C1orf21: variants seen among roughly 807,000 people sequenced by gnomAD.
C1orf21 encodes the protein chromosome 1 open reading frame 21.
A neutral mutation model predicts 18.7 loss-of-function variants in C1orf21; 3 were observed. The observed-to-expected ratio is 0.16, with a 90% confidence interval of 0.07 to 0.42. The LOEUF is 0.42. C1orf21 is among the 10% of genes least tolerant of loss of function. The pLI is 0.99. For synonymous variants in C1orf21, 41 were observed against 46.4 expected, an observed-to-expected ratio of 0.88 and a Z score of 0.47; for missense variants, 104 against 143.6, an observed-to-expected ratio of 0.72 and a Z score of 1.41.
At chr1:184,528,342 T>C (rs980860001) in intron 3 of C1orf21, among the ~76,000 whole-genome samples, 3 of 152,248 alleles carry the variant, frequency 2.0e-5, no homozygotes, top group South Asian at 2.1e-4. Flanking sequence ...TTTCCATCTT[T>C]GCCCAGGTGC....
intron 4 of C1orf21, among the ~76,000 whole-genome samples, chr1:184,592,949 A>T (rs1659459960): frequency 6.6e-6 from 1 of 152,170 alleles, no homozygotes; most frequent in African/African-American, 2.4e-5. Flanking sequence ...TTTCACCCTC[A>T]GGTGAATGTT....
intron 2 of C1orf21, among the ~76,000 whole-genome samples, chr1:184,483,427 C>A (rs1657684716): frequency 6.6e-6 from 1 of 152,242 alleles, no homozygotes; most frequent in Admixed American, 6.5e-5. Flanking sequence ...GGCTTGAGAT[C>A]ATGATCTCTC....
chr1:184,488,472 C>T (rs1657765877), intron 2 of C1orf21, among the ~76,000 whole-genome samples: 1 of 152,056 alleles, frequency 6.6e-6, no homozygotes. Flanking sequence ...GATGATGCCC[C>T]AGTGATTGTA....
At chr1:184,407,079 T>G (rs1041334369) in intron 1 of C1orf21, among the ~76,000 whole-genome samples, 1 of 152,186 alleles carries the variant, frequency 6.6e-6, no homozygotes, top group Non-Finnish European at 1.5e-5. Flanking sequence ...CAAGTGATCT[T>G]CCCACCTTGC....
chr1:184,480,483 C>T (rs1188182252), intron 2 of C1orf21, among the ~76,000 whole-genome samples: 1 of 152,136 alleles, frequency 6.6e-6, no homozygotes, highest in Non-Finnish European at 1.5e-5. Context: ...GACCACTTAA[C>T]CATCCCTTCA....
intron 3 of C1orf21, among the ~76,000 whole-genome samples, chr1:184,550,747 G>T (rs779787943): frequency 1.3e-4 from 20 of 151,982 alleles, no homozygotes; most frequent in Admixed American, 1.3e-3. Context: ...GTGTTTCCCA[G>T]GCTGGTCTCA....
intron 1 of C1orf21, among the ~76,000 whole-genome samples, chr1:184,418,104 C>T (rs1656486295): frequency 6.6e-6 from 1 of 152,182 alleles, no homozygotes; most frequent in Non-Finnish European, 1.5e-5. Context: ...AGAAGCTGAC[C>T]CTTCTGGAAA....
chr1:184,576,616 C>T (rs904513358), intron 3 of C1orf21, among the ~76,000 whole-genome samples: 1 of 152,272 alleles, frequency 6.6e-6, no homozygotes, highest in Non-Finnish European at 1.5e-5. Flanking sequence ...TACCACCCAG[C>T]TTCAGGCCCA....
At chr1:184,615,623 G>T (rs1373475061) in intron 5 of C1orf21, among the ~76,000 whole-genome samples, 1 of 152,136 alleles carries the variant, frequency 6.6e-6, no homozygotes, top group African/African-American at 2.4e-5. Context: ...AGGTCTTCAG[G>T]TTCTCTTTTT....
At chr1:184,441,121 G>A (rs1472371105) in intron 1 of C1orf21, among the ~76,000 whole-genome samples, 1 of 152,024 alleles carries the variant, frequency 6.6e-6, no homozygotes, top group Non-Finnish European at 1.5e-5. Flanking sequence ...TTTGGTTAGT[G>A]GAAATTTCCA....
intron 1 of C1orf21, chr1:184,408,317 A>G (rs1401900027): frequency 6.6e-6 from 1 of 152,188 alleles, no homozygotes; most frequent in African/African-American, 2.4e-5. Flanking sequence ...GGAATGGTTT[A>G]TTTTTGTTGA....
intron 1 of C1orf21, among the ~76,000 whole-genome samples, chr1:184,435,253 T>A (rs1049030498): frequency 1.3e-5 from 2 of 152,152 alleles, no homozygotes; most frequent in African/African-American, 4.8e-5. Flanking sequence ...TCTGTTGGAA[T>A]TTAGACATTC....
At chr1:184,423,917 G>C (rs937442277) in intron 1 of C1orf21, among the ~76,000 whole-genome samples, 3 of 150,944 alleles carry the variant, frequency 2.0e-5, no homozygotes, top group Admixed American at 2.0e-4. Flanking sequence ...ATCATTTAAG[G>C]GTTTCCTTAA....
intron 3 of C1orf21, among the ~76,000 whole-genome samples, chr1:184,526,724 G>A (rs1658383004): frequency 6.6e-6 from 1 of 152,098 alleles, no homozygotes; most frequent in Admixed American, 6.6e-5. Flanking sequence ...TTGAGAAATA[G>A]CCCAAAATCT....
chr1:184,561,671 C>T (rs1004036223), intron 3 of C1orf21, among the ~76,000 whole-genome samples: 4 of 152,030 alleles, frequency 2.6e-5, no homozygotes, highest in Admixed American at 6.6e-5. Flanking sequence ...GGCTGGAATG[C>T]GATGGTGTGA....
intron 3 of C1orf21, among the ~76,000 whole-genome samples, chr1:184,548,310 T>C (rs1658759409): frequency 6.6e-6 from 1 of 151,414 alleles, no homozygotes; most frequent in Admixed American, 6.6e-5. Flanking sequence ...AAATTGGCCC[T>C]GAAAGAGGAA....
intron 3 of C1orf21, among the ~76,000 whole-genome samples, chr1:184,572,833 T>C (rs1659131707): frequency 6.6e-6 from 1 of 151,866 alleles, no homozygotes; most frequent in Admixed American, 6.6e-5. Flanking sequence ...GCACCTGTAA[T>C]CTCAGCTACT....
chr1:184,544,854 C>T (rs1339886375), intron 3 of C1orf21, among the ~76,000 whole-genome samples: 1 of 152,200 alleles, frequency 6.6e-6, no homozygotes, highest in Non-Finnish European at 1.5e-5. Context: ...CAAGCACACT[C>T]ATGTTTGCTG....
At chr1:184,388,241 G>A (rs1257286645) in intron 1 of C1orf21, among the ~76,000 whole-genome samples, 1 of 152,142 alleles carries the variant, frequency 6.6e-6, no homozygotes, top group African/African-American at 2.4e-5. Context: ...CTAAAGCTCT[G>A]AATGGCTCAG....
Sources: gnomAD v4.1 joint callset for allele counts (sites outside exome capture counted in the v4.1 genomes callset) on GRCh38, gnomAD v4.1.1 for gene constraint, MANE v1.5 for transcripts, NCBI Gene and HGNC (gene_info 2026-07-23, HGNC 2026-07-21) for gene names.